The following ENOX2 variants were observed in gnomAD, a reference collection of about 807,000 sequenced individuals.
ENOX2 encodes the protein APK1 antigen.
In ENOX2, 36 loss-of-function variants were observed where a neutral mutation model predicts 45.0. That is an observed-to-expected ratio of 0.80 (90% CI 0.61 to 1.06). ENOX2 has a LOEUF of 1.06. Ranked by LOEUF, ENOX2 falls within the 50% of genes least tolerant of loss-of-function variation. ENOX2 has a pLI of 0.00. For missense variants in ENOX2, 423 were observed against 462.5 expected, an observed-to-expected ratio of 0.91 and a Z score of 0.78; for synonymous variants, 174 against 152.3, an observed-to-expected ratio of 1.14 and a Z score of -1.05.
Position 130,723,134 on chromosome X carries a change from G to A in ENOX2, c.-38-19880C>T, listed in dbSNP as rs930064992. Among the ~76,000 whole-genome samples, 6 of 112,155 alleles carry A rather than the reference G, an allele frequency of 5.3e-5. No homozygotes were observed. The Admixed American group carries it at 5.6e-4, about 11-fold the overall frequency. Reference sequence around the variant, plus strand: ...TTCCAGTTGGTGGTAGGAAGTCTGGGGCAGGACATTGTTATTCAGAAACAA... The same window carrying A: ...TTCCAGTTGGTGGTAGGAAGTCTGGAGCAGGACATTGTTATTCAGAAACAA... On this transcript the variant is annotated intron_variant, in intron 3 of 14. Transcript: ENST00000394363.
chrX:130,734,101 G>A (rs185822906), intron 3 of ENOX2, among the ~76,000 whole-genome samples: 3 of 112,368 alleles, frequency 2.7e-5, no homozygotes, highest in Admixed American at 9.4e-5. Context: ...CTTGGCAGGC[G>A]AATCCACTGT....
At chrX:130,694,993 C>T (rs1158781819) in intron 4 of ENOX2, among the ~76,000 whole-genome samples, 1 of 111,683 alleles carries the variant, frequency 9.0e-6, no homozygotes, top group African/African-American at 3.3e-5. Flanking sequence ...AAATAATATT[C>T]CCTATTTTAC....
chrX:130,710,320 AG>A (rs1394546841), intron 3 of ENOX2, among the ~76,000 whole-genome samples: 2 of 111,997 alleles, frequency 1.8e-5, no homozygotes, highest in African/African-American at 3.2e-5. Context: ...CTACTAAACT[AG>A]GGGGTTCATC....
At chrX:130,691,016 T>TACAC (rs757871411) in intron 4 of ENOX2, among the ~76,000 whole-genome samples, 21 of 108,009 alleles carry the variant, frequency 1.9e-4, no homozygotes, top group South Asian at 8.0e-4. Context: ...AACTTGCATG[T>TACAC]ACACACACAC....
chrX:130,885,803 T>C (rs1361677400), intron 2 of ENOX2, among the ~76,000 whole-genome samples: 1 of 112,557 alleles, frequency 8.9e-6, no homozygotes, highest in Non-Finnish European at 1.9e-5. Flanking sequence ...GAAATCTCTA[T>C]TTATTCAACA....
chrX:130,787,389 T>C (rs968035441), intron 2 of ENOX2, among the ~76,000 whole-genome samples: 1 of 111,852 alleles, frequency 8.9e-6, no homozygotes, highest in East Asian at 2.8e-4. Flanking sequence ...CAGCATAACA[T>C]CTGGCACATA....
At chrX:130,665,891 G>C (rs2036822584) in intron 8 of ENOX2, 142 bp from the exon 9 acceptor site, 2 of 415,686 alleles carry the variant, frequency 4.8e-6, no homozygotes, top group Non-Finnish European at 8.4e-6. Context: ...CTGTGGTTGT[G>C]CTTGGAAAAG....
At chrX:130,705,355 C>G (rs1347040144) in intron 3 of ENOX2, among the ~76,000 whole-genome samples, 1 of 112,000 alleles carries the variant, frequency 8.9e-6, no homozygotes, top group Non-Finnish European at 1.9e-5. Context: ...TAGCCAAACT[C>G]TGGACTAATT....
At chrX:130,730,186 T>G (rs1262944759) in intron 3 of ENOX2, among the ~76,000 whole-genome samples, 1 of 112,278 alleles carries the variant, frequency 8.9e-6, no homozygotes, top group African/African-American at 3.2e-5. Flanking sequence ...AGAGGGATCA[T>G]ATAACCAAGA....
At chrX:130,707,824 G>A (rs147548974) in intron 3 of ENOX2, among the ~76,000 whole-genome samples, 58 of 112,160 alleles carry the variant, frequency 5.2e-4, no homozygotes, top group Middle Eastern at 4.6e-3. Flanking sequence ...GCATTGGTCT[G>A]GGAGTCAGAT....
chrX:130,660,419 C>T (rs977295778), intron 9 of ENOX2, among the ~76,000 whole-genome samples: 8 of 111,577 alleles, frequency 7.2e-5, no homozygotes, highest in African/African-American at 1.6e-4. Flanking sequence ...CTGTATTCTC[C>T]GGTTGGATCA....
chrX:130,901,809 G>T (rs2079147113), intron 1 of ENOX2, 78 bp from the exon 2 acceptor site: 1 of 112,095 alleles, frequency 8.9e-6, no homozygotes, highest in African/African-American at 3.2e-5. Flanking sequence ...TCCAAACTAT[G>T]TGTATGTTTC....
chrX:130,802,817 C>A (rs2077241352), intron 2 of ENOX2, among the ~76,000 whole-genome samples: 2 of 112,182 alleles, frequency 1.8e-5, no homozygotes, highest in Non-Finnish European at 3.8e-5. Context: ...AGTGAGGAAA[C>A]CATCATGCTA....
At chrX:130,886,589 T>C (rs972210701) in intron 2 of ENOX2, among the ~76,000 whole-genome samples, 2 of 112,370 alleles carry the variant, frequency 1.8e-5, no homozygotes, top group African/African-American at 6.5e-5. Flanking sequence ...GATCCAAGGA[T>C]ATTTTACAAT....
intron 10 of ENOX2, among the ~76,000 whole-genome samples, chrX:130,639,010 A>G (rs1323630279): frequency 9.1e-6 from 1 of 110,224 alleles, no homozygotes; most frequent in Non-Finnish European, 1.9e-5. Context: ...AAACAAACAA[A>G]CAAAACTCCA....
intron 10 of ENOX2, among the ~76,000 whole-genome samples, chrX:130,651,078 A>G (rs1348834985): frequency 8.9e-6 from 1 of 112,073 alleles, no homozygotes; most frequent in African/African-American, 3.2e-5. Context: ...CAAAGGGAAA[A>G]AGCTAAAAAG....
At chrX:130,710,545 A>T (rs1009884911) in intron 3 of ENOX2, among the ~76,000 whole-genome samples, 1 of 111,728 alleles carries the variant, frequency 9.0e-6, no homozygotes, top group Non-Finnish European at 1.9e-5. Flanking sequence ...TGTACAGGAC[A>T]TCCCCCTTCA....
intron 2 of ENOX2, among the ~76,000 whole-genome samples, chrX:130,841,771 T>C (rs1186190435): frequency 8.9e-6 from 1 of 112,215 alleles, no homozygotes; most frequent in Non-Finnish European, 1.9e-5. Flanking sequence ...GCATTTACTG[T>C]CTTTTTAACA....
chrX:130,787,907 A>G lies in ENOX2; in HGVS notation c.-182-4217T>C, dbSNP rs774653236. Among the ~76,000 whole-genome samples, 11 of 111,617 alleles carry G rather than the reference A, an allele frequency of 9.9e-5. No individual in the cohort carries two copies. In the South Asian group the frequency reaches 3.4e-3, roughly 34 times the overall value. On this transcript the variant is annotated intron_variant, in intron 2 of 14. Coordinates refer to ENST00000394363, the MANE Select transcript of ENOX2 (RefSeq NM_006375.4). ...GCTGACTCGCTGAACACAAACCCAT[A>G]TTTTATATCATCCAATACCCAATAC...
Sources: allele counts gnomAD v4.1 joint callset (sites outside exome capture counted in the v4.1 genomes callset), GRCh38; gene constraint gnomAD v4.1.1; transcripts MANE v1.5; gene names NCBI Gene and HGNC (gene_info 2026-07-23, HGNC 2026-07-21).